TRPM3: variants seen among roughly 807,000 people sequenced by gnomAD.
The protein encoded by TRPM3 is transient receptor potential cation channel subfamily M member 3, also known as long transient receptor potential channel 3.
A neutral mutation model predicts 181.2 loss-of-function variants in TRPM3; 77 were observed. The ratio of observed to expected loss-of-function variants is 0.42; its 90% CI spans 0.35 to 0.51. The LOEUF (loss-of-function observed/expected upper bound fraction) is 0.51, where lower values mean the gene tolerates loss of function less well. Among genes scored for constraint, TRPM3 ranks in the 20% least tolerant of loss-of-function variants. TRPM3 has a pLI of 0.01. For synonymous variants in TRPM3, 745 were observed against 796.4 expected, an observed-to-expected ratio of 0.94 and a Z score of 1.09; for missense variants, 1,759 against 2,196.7, an observed-to-expected ratio of 0.80 and a Z score of 3.98.
At chr9:71,006,309 C>A (rs2097672649) in intron 1 of TRPM3, among the ~76,000 whole-genome samples, 1 of 151,674 alleles carries the variant, frequency 6.6e-6, no homozygotes, top group Admixed American at 6.6e-5. Flanking sequence ...ATAAAGCAAG[C>A]AACAAAATGG....
intron 8 of TRPM3, among the ~76,000 whole-genome samples, chr9:70,686,684 T>TC (rs1188832226): frequency 2.7e-4 from 23 of 85,404 alleles, no homozygotes; most frequent in East Asian, 1.3e-3. Flanking sequence ...ACTCCTTCCT[T>TC]CTTTCCTTCC....
At chr9:71,090,484 AC>A (rs2066016089) in intron 1 of TRPM3, among the ~76,000 whole-genome samples, 1 of 152,142 alleles carries the variant, frequency 6.6e-6, no homozygotes, top group African/African-American at 2.4e-5. Context: ...CAGATCCACC[AC>A]CAACCTGGTC....
At chr9:70,776,761 C>T (rs1173874265) in intron 7 of TRPM3, among the ~76,000 whole-genome samples, 1 of 152,158 alleles carries the variant, frequency 6.6e-6, no homozygotes, top group African/African-American at 2.4e-5. Flanking sequence ...GCAGAAGGTA[C>T]AGAGGGCTTG....
At chr9:70,832,882 T>A (rs965941904) in intron 5 of TRPM3, among the ~76,000 whole-genome samples, 3 of 152,330 alleles carry the variant, frequency 2.0e-5, no homozygotes, top group Middle Eastern at 3.4e-3. Flanking sequence ...TGTGAATTCA[T>A]TCATTTGTTT....
rs377392921 is a variant in TRPM3 at position 70,639,043 on chromosome 9, C to T, written c.1581+17G>A. 4 of 1,608,700 alleles carry T rather than the reference C, an allele frequency of 2.5e-6. No homozygotes were observed. The highest frequency in any genetic ancestry group is 3.4e-6 in the Non-Finnish European group (4 of 1,178,204). ...CAGAAAAAAAAGAAAATAAAAAGTGCCTTAGTTTGGCCCTACCGTATTGTA... is the reference window on the plus strand; with the variant it reads ...CAGAAAAAAAAGAAAATAAAAAGTGTCTTAGTTTGGCCCTACCGTATTGTA... On this transcript the variant is annotated intron_variant, in intron 11 of 25. Coordinates refer to ENST00000677713, the MANE Select transcript of TRPM3 (RefSeq NM_001366145.2).
intron 1 of TRPM3, among the ~76,000 whole-genome samples, chr9:71,115,708 G>A (rs987462475): frequency 3.3e-5 from 5 of 152,196 alleles, no homozygotes; most frequent in Admixed American, 6.5e-5. Context: ...AGTGGCCCCT[G>A]GACTTGGATG....
In TRPM3 at chr9:71,182,642, T is replaced by C. The variant is rs978893348; in HGVS notation, c.183+264011A>G. ...ATAAAATAGTATAATGGCTTACTTA[T>C]GTTAGCAAGATGCTCAATATTAAAT... On this transcript the variant is annotated intron_variant, in intron 1 of 24. Transcript: ENST00000357533. Among the ~76,000 whole-genome samples the C allele has an allele frequency of 3.3e-5, 5 of 152,126 alleles. No homozygotes were observed. In the East Asian group the frequency reaches 9.6e-4, roughly 29 times the overall value.
rs959457596 is a variant in TRPM3 at position 71,165,301 on chromosome 9, G to C, written c.183+281352C>G. Among the ~76,000 whole-genome samples, 71 of 152,266 alleles carry C rather than the reference G, an allele frequency of 4.7e-4. No individual in the cohort carries two copies. The East Asian group carries it at 0.013, about 28-fold the overall frequency. ...CATTTAGAACAGTGCCTGGTCTATA[G>C]ATAGTAAGCATCACTGAAGTGTTTG... On this transcript the variant is annotated intron_variant, in intron 1 of 24. Coordinates refer to the TRPM3 transcript ENST00000357533.
intron 1 of TRPM3, among the ~76,000 whole-genome samples, chr9:71,341,616 C>T (rs1285907729): frequency 6.7e-6 from 1 of 149,614 alleles, no homozygotes; most frequent in African/African-American, 2.5e-5. Flanking sequence ...GACATGAGAA[C>T]TAAATTCAGT....
At chr9:71,079,587 T>G (rs1591247517) in intron 1 of TRPM3, among the ~76,000 whole-genome samples, 1 of 152,192 alleles carries the variant, frequency 6.6e-6, no homozygotes, top group Non-Finnish European at 1.5e-5. Flanking sequence ...TACCCTCTGG[T>G]TGGAGATAAG....
At chr9:70,583,117 C>A (rs987301296) in intron 22 of TRPM3, among the ~76,000 whole-genome samples, 5 of 152,160 alleles carry the variant, frequency 3.3e-5, no homozygotes, top group Non-Finnish European at 7.3e-5. Flanking sequence ...CCTTGAGTTT[C>A]TCTGGCTGCT....
At chr9:70,543,014 T>G (rs1012198462) in intron 25 of TRPM3, among the ~76,000 whole-genome samples, 1 of 152,146 alleles carries the variant, frequency 6.6e-6, no homozygotes, top group Admixed American at 6.5e-5. Context: ...TAAACTTAAC[T>G]CAGTTAATGG....
intron 1 of TRPM3, among the ~76,000 whole-genome samples, chr9:71,186,003 T>C (rs374494491): frequency 7.9e-5 from 12 of 152,196 alleles, no homozygotes; most frequent in Non-Finnish European, 8.8e-5. Context: ...GGAATCCTTC[T>C]TTGCCTCTTC....
At chr9:71,348,089 CA>C (rs1273323749) in intron 1 of TRPM3, among the ~76,000 whole-genome samples, 1 of 152,102 alleles carries the variant, frequency 6.6e-6, no homozygotes, top group Non-Finnish European at 1.5e-5. Context: ...TGATTATTGG[CA>C]AACAGCTTAA....
At position 71,309,985 on chromosome 9, in the gene TRPM3, A is replaced by C. The variant is rs144902928; in HGVS notation, c.183+136668T>G. ...CACATCTTTGGAAAGAACTATTTTC[A>C]TAAATGAAACAGGTGTAACATATTA... On this transcript the variant is annotated intron_variant, in intron 1 of 24. Coordinates refer to the TRPM3 transcript ENST00000357533. Among the ~76,000 whole-genome samples the C allele has an allele frequency of 3.5e-3, 533 of 152,268 alleles. 3 individuals are homozygous for C. The highest frequency in any genetic ancestry group is 3.5e-3 in the Non-Finnish European group (237 of 67,978).
chr9:71,373,148 C>T (rs1259762158), intron 1 of TRPM3, among the ~76,000 whole-genome samples: 3 of 152,076 alleles, frequency 2.0e-5, no homozygotes, highest in Non-Finnish European at 4.4e-5. Context: ...ATTTATAGCA[C>T]TACATGCCCA....
intron 1 of TRPM3, among the ~76,000 whole-genome samples, chr9:71,434,089 G>A (rs1191864288): frequency 6.6e-6 from 1 of 152,176 alleles, no homozygotes; most frequent in Non-Finnish European, 1.5e-5. Context: ...AGCCCAGGAG[G>A]TGGAGGCTGC....
At chr9:71,085,894 C>T (rs1042926151) in intron 1 of TRPM3, among the ~76,000 whole-genome samples, 2 of 152,050 alleles carry the variant, frequency 1.3e-5, no homozygotes, top group Non-Finnish European at 2.9e-5. Context: ...AACACATGCA[C>T]TTGCATGTTC....
At chr9:70,955,916 G>A (rs866699632) in intron 1 of TRPM3, among the ~76,000 whole-genome samples, 1 of 152,132 alleles carries the variant, frequency 6.6e-6, no homozygotes, top group Non-Finnish European at 1.5e-5. Flanking sequence ...AATATACTTG[G>A]TATGCTGAAA....
Sources: gnomAD v4.1 joint callset for allele counts (sites outside exome capture counted in the v4.1 genomes callset) on GRCh38, gnomAD v4.1.1 for gene constraint, MANE v1.5 for transcripts, NCBI Gene and HGNC (gene_info 2026-07-23, HGNC 2026-07-21) for gene names.